The following LDLRAD3 variants were observed in gnomAD, a reference collection of about 807,000 sequenced individuals.
LDLRAD3 encodes low-density lipoprotein receptor class A domain-containing protein 3.
LDLRAD3 carries 20 observed loss-of-function variants against 29.4 expected under a neutral mutation model. That is an observed-to-expected ratio of 0.68 (90% CI 0.48 to 0.99). The LOEUF is 0.99. Ranked by LOEUF, LDLRAD3 falls within the 50% of genes least tolerant of loss-of-function variation. The pLI is 0.00. For missense variants in LDLRAD3, 420 were observed against 454.3 expected, an observed-to-expected ratio of 0.92 and a Z score of 0.69; for synonymous variants, 157 against 192.7, an observed-to-expected ratio of 0.81 and a Z score of 1.53.
At chr11:36,094,273 C>T (rs1853326487) in intron 3 of LDLRAD3, among the ~76,000 whole-genome samples, 1 of 152,230 alleles carries the variant, frequency 6.6e-6, no homozygotes, top group African/African-American at 2.4e-5. Context: ...AGTTGATGCA[C>T]TATGGCCCTG....
intron 4 of LDLRAD3, among the ~76,000 whole-genome samples, chr11:36,131,488 TA>T (rs1227180256): frequency 6.6e-6 from 1 of 152,250 alleles, no homozygotes; most frequent in Non-Finnish European, 1.5e-5. Flanking sequence ...TAGAATACAT[TA>T]TACCAGAGTA....
At chr11:36,017,811 A>C (rs1470182336) in intron 1 of LDLRAD3, among the ~76,000 whole-genome samples, 3 of 152,140 alleles carry the variant, frequency 2.0e-5, no homozygotes, top group Non-Finnish European at 4.4e-5. Flanking sequence ...GGCATGAGCC[A>C]CTACATCTGG....
At chr11:36,098,278 A>T in intron 3 of LDLRAD3, 49 bp from the exon 4 acceptor site, 1 of 1,610,020 alleles carries the variant, frequency 6.2e-7, no homozygotes, top group Non-Finnish European at 8.5e-7. Flanking sequence ...AGGGTCCCCA[A>T]GGGAACTTGC....
intron 4 of LDLRAD3, among the ~76,000 whole-genome samples, chr11:36,116,895 T>C (rs1853682660): frequency 6.6e-6 from 1 of 150,962 alleles, no homozygotes; most frequent in Non-Finnish European, 1.5e-5. Flanking sequence ...AGGCTGGACT[T>C]CAGTAGCGCA....
chr11:36,171,190 A>G (rs986220557), intron 4 of LDLRAD3, among the ~76,000 whole-genome samples: 3 of 152,010 alleles, frequency 2.0e-5, no homozygotes, highest in African/African-American at 7.3e-5. Context: ...TAGATTCTCG[A>G]TATTAGTCCT....
intron 1 of LDLRAD3, among the ~76,000 whole-genome samples, chr11:35,991,867 T>TTGTGTGTGTGTGTGTGTG (rs33941156): frequency 0.02 from 1,619 of 82,680 alleles, 18 homozygotes; most frequent in Middle Eastern, 0.071. Context: ...GAATGGTTGT[T>TTGTGTGTGTGTGTGTGTG]TGTGTGTGTG....
intron 3 of LDLRAD3, among the ~76,000 whole-genome samples, chr11:36,084,671 T>C (rs1209764349): frequency 6.6e-6 from 1 of 152,188 alleles, no homozygotes; most frequent in Non-Finnish European, 1.5e-5. Context: ...TAGAGTATCT[T>C]CATTTTGTAA....
chr11:36,056,940 C>G (rs1238233063), intron 2 of LDLRAD3, among the ~76,000 whole-genome samples: 1 of 152,134 alleles, frequency 6.6e-6, no homozygotes, highest in Non-Finnish European at 1.5e-5. Context: ...AATGCAGAGT[C>G]TGGCTCAGTA....
intron 4 of LDLRAD3, among the ~76,000 whole-genome samples, chr11:36,172,240 T>G (rs1188470206): frequency 6.6e-6 from 1 of 152,150 alleles, no homozygotes; most frequent in Non-Finnish European, 1.5e-5. Context: ...CCAGAGTCTT[T>G]AGGGTTTTTT....
chr11:35,994,285 C>T (rs577265211), intron 1 of LDLRAD3, among the ~76,000 whole-genome samples: 23 of 129,526 alleles, frequency 1.8e-4, no homozygotes, highest in South Asian at 2.4e-4. Flanking sequence ...TGCAGTGAGC[C>T]GAGATAGTGC....
At chr11:36,092,153 T>C (rs1315627537) in intron 3 of LDLRAD3, among the ~76,000 whole-genome samples, 12 of 152,222 alleles carry the variant, frequency 7.9e-5, no homozygotes, top group Non-Finnish European at 1.2e-4. Flanking sequence ...GTACCTTTTT[T>C]GGTAGTAGCA....
intron 4 of LDLRAD3, among the ~76,000 whole-genome samples, chr11:36,120,896 G>T (rs1853746101): frequency 6.6e-6 from 1 of 152,144 alleles, no homozygotes; most frequent in African/African-American, 2.4e-5. Context: ...TCTTTCCATT[G>T]TGCAAGGACA....
intron 5 of LDLRAD3, among the ~76,000 whole-genome samples, chr11:36,228,916 AC>A (rs1855535079): frequency 6.6e-6 from 1 of 152,056 alleles, no homozygotes. Context: ...TTCTGGTTCT[AC>A]CCAGAGGATG....
chr11:35,990,677 A>G (rs993871697), intron 1 of LDLRAD3, among the ~76,000 whole-genome samples: 3 of 151,552 alleles, frequency 2.0e-5, no homozygotes, highest in Non-Finnish European at 4.4e-5. Flanking sequence ...CGGCCTCCCA[A>G]AGTGCTGGGA....
chr11:35,954,125 T>C (rs947541423), intron 1 of LDLRAD3, among the ~76,000 whole-genome samples: 10 of 152,186 alleles, frequency 6.6e-5, no homozygotes, highest in African/African-American at 2.4e-4. Flanking sequence ...CCAGAGTTCA[T>C]TTGTGTTATT....
chr11:36,124,991 A>C (rs916269874), intron 4 of LDLRAD3, among the ~76,000 whole-genome samples: 1 of 152,064 alleles, frequency 6.6e-6, no homozygotes, highest in Non-Finnish European at 1.5e-5. Flanking sequence ...TTTCCTGTTT[A>C]AGGGTCTTTG....
intron 3 of LDLRAD3, among the ~76,000 whole-genome samples, chr11:36,091,553 A>G (rs1853280864): frequency 6.6e-6 from 1 of 152,118 alleles, no homozygotes; most frequent in Admixed American, 6.5e-5. Context: ...CTTGGGAAAT[A>G]GAGCTTTAGA....
At chr11:36,062,406 G>A (rs1852714797) in intron 2 of LDLRAD3, among the ~76,000 whole-genome samples, 1 of 152,122 alleles carries the variant, frequency 6.6e-6, no homozygotes, top group African/African-American at 2.4e-5. Flanking sequence ...TTCGGTCTAG[G>A]TCCTGTTACT....
intron 4 of LDLRAD3, among the ~76,000 whole-genome samples, chr11:36,199,441 C>T (rs1229390548): frequency 6.6e-6 from 1 of 152,132 alleles, no homozygotes; most frequent in Non-Finnish European, 1.5e-5. Context: ...TGCTTTCCAC[C>T]TCTTTCTCCT....
Sources: allele counts gnomAD v4.1 joint callset (sites outside exome capture counted in the v4.1 genomes callset), GRCh38; gene constraint gnomAD v4.1.1; transcripts MANE v1.5; gene names NCBI Gene and HGNC (gene_info 2026-07-23, HGNC 2026-07-21).